ZNF559: variants seen among roughly 807,000 people sequenced by gnomAD.
ZNF559 encodes putative protein product of Nbla00121.
Under a neutral mutation model 14.2 loss-of-function variants are expected in ZNF559, and 17 were observed. That is an observed-to-expected ratio of 1.20 (90% CI 0.82 to 1.80). The LOEUF is 1.80. ZNF559 is among the 40% of genes most tolerant of loss of function. The pLI is 0.00. For synonymous variants in ZNF559, 244 were observed against 212.4 expected, an observed-to-expected ratio of 1.15 and a Z score of -1.29; for missense variants, 740 against 629.7, an observed-to-expected ratio of 1.18 and a Z score of -1.88.
In ZNF559 at chr19:9,341,968, C is replaced by G. The variant is rs531973512; in HGVS notation, c.517C>G (p.Leu173Val). The G allele has an allele frequency of 1.2e-4, 193 of 1,613,776 alleles. 3 individuals are homozygous for G. The South Asian group carries it at 1.6e-3, about 14-fold the overall frequency. The change falls in exon 7 of 7, where the codon CTT becomes GTT. Residue 173 changes from leucine to valine, a missense_variant. Transcript: ENST00000603380. ...CAAGAAAACTAGCCAAAATCTACAT[C>G]TTGTTTGCAAGAAAACTCACACTCA... is the stretch of plus-strand genomic sequence containing the variant. ...VCKKTSQNLH[L>V]VCKKTHTQEK...
chr19:9,343,615 C>T lies in ZNF559; in HGVS notation c.*547C>T. On this transcript the variant is annotated 3_prime_UTR_variant, in exon 7 of 7. Transcript: ENST00000603380. Reference sequence around the variant, plus strand: ...CTTCCACTTTGGGAACATGTCAAAGCACACATTGAGAAGTCCCATGAGTGA... The same window carrying T: ...CTTCCACTTTGGGAACATGTCAAAGTACACATTGAGAAGTCCCATGAGTGA... 2.0e-6 allele frequency: 2 copies of T among 990,684 alleles called. No individual in the cohort carries two copies. The highest frequency in any genetic ancestry group is 2.4e-6 in the Non-Finnish European group (2 of 832,768). The allele number at this position is 990,684 out of a possible 1,614,324, so 61.4% of individuals were successfully genotyped here.
chr19:9,332,291 G>T (rs1286406289), intron 2 of ZNF559, among the ~76,000 whole-genome samples: 2 of 151,540 alleles, frequency 1.3e-5, no homozygotes, highest in Admixed American at 1.3e-4. Flanking sequence ...GGCATTTCTG[G>T]GATATGTTCT....
intron 6 of ZNF559, chr19:9,341,473 C>T (rs759091053): frequency 4.6e-6 from 4 of 867,374 alleles, no homozygotes; most frequent in Admixed American, 2.0e-5. Context: ...TATTTAGAAG[C>T]CCTCTGAAAG....
intron 2 of ZNF559, among the ~76,000 whole-genome samples, chr19:9,333,365 C>T (rs1274652294): frequency 6.6e-6 from 1 of 152,164 alleles, no homozygotes; most frequent in Non-Finnish European, 1.5e-5. Flanking sequence ...TAACTATATC[C>T]TGCCAAATTC....
In ZNF559 at chr19:9,343,206, A is replaced by T. The variant is rs561371149; in HGVS notation, c.*138A>T. On this transcript the variant is annotated 3_prime_UTR_variant, in exon 7 of 7. Transcript: ENST00000603380. The stretch of plus-strand genomic sequence containing the variant: ...TTCCTTGGTGTCTCAGATCTTAACA[A>T]TTCCAATAGAAGAGAAGACATATGA... 14 of 1,475,982 alleles carry T rather than the reference A, an allele frequency of 9.5e-6. No individual in the cohort carries two copies. Among genetic ancestry groups the T allele is most frequent in the Non-Finnish European group, 1.1e-5 (12 of 1,121,812 alleles). The allele number at this position is 1,475,982 out of a possible 1,614,324, so 91.4% of individuals were successfully genotyped here. A position where few individuals can be genotyped will look rare whatever the true frequency, so the allele number is the denominator to read the frequency against.
chr19:9,330,639 TTC>T (rs1177980157), intron 2 of ZNF559, among the ~76,000 whole-genome samples: 1 of 152,230 alleles, frequency 6.6e-6, no homozygotes, highest in Non-Finnish European at 1.5e-5. Flanking sequence ...ACTCCAGTAT[TTC>T]TCTTTTGTTC....
Position 9,324,695 on chromosome 19 carries a change from GA to G in ZNF559, c.-203del. 1 of 1,531,342 alleles carries G rather than the reference GA, an allele frequency of 6.5e-7. No homozygotes were observed. The allele number at this position is 1,531,342 out of a possible 1,614,324, so 94.9% of individuals were successfully genotyped here. A position where few individuals can be genotyped will look rare whatever the true frequency, so the allele number is the denominator to read the frequency against. On this transcript the variant is annotated splice_region_variant and 5_prime_UTR_variant, in exon 2 of 7. The change creates a premature stop within an existing upstream ORF in the 5' untranslated region. Transcript: ENST00000603380. ...CAGCGTTGTGCCTTTTCTCTATAAG[GA>G]ACAGCATCTCTGCCTTCCTGTTCAC... is the stretch of plus-strand genomic sequence containing the variant.
intron 1 of ZNF559, 34 bp from the exon 2 acceptor site, chr19:9,324,661 C>G (rs1198337335): frequency 2.5e-6 from 3 of 1,190,728 alleles, no homozygotes; most frequent in African/African-American, 3.7e-5. Context: ...AAAAAAAAGT[C>G]TCCACATCCA....
rs1469681454 is a variant in ZNF559 at position 9,324,217 on chromosome 19, T to C, written c.-217T>C. 2 of 1,536,066 alleles carry C rather than the reference T, an allele frequency of 1.3e-6. No individual in the cohort carries two copies. Among genetic ancestry groups the C allele is most frequent in the South Asian group, 2.4e-5 (2 of 84,056 alleles). ...CCGCCATCTTAACAGCGCGTTCCCG[T>C]TGGCGTCTGAGGTAAGTTTTTGTTT... On this transcript the variant is annotated 5_prime_UTR_variant, in exon 1 of 7. Transcript: ENST00000603380.
chr19:9,339,459 C>T, intron 5 of ZNF559, 140 bp downstream of exon 5: 2 of 972,088 alleles, frequency 2.1e-6, no homozygotes, highest in South Asian at 1.8e-5. Flanking sequence ...GACCTTACTG[C>T]CTTGTGATTT....
rs570361973 is a variant in ZNF559 at position 9,342,961 on chromosome 19, C to G, written c.1510C>G (p.Arg504Gly). Reference sequence around the variant, plus strand: ...TCAGGAATGTGGGAAAGCCTTTACTCGGTCCACATATCTTATTCGACATCT... The same window carrying G: ...TCAGGAATGTGGGAAAGCCTTTACTGGGTCCACATATCTTATTCGACATCT... ...ECQECGKAFT[R>G]STYLIRHLRS... The change falls in exon 7 of 7, where the codon CGG becomes GGG. Residue 504 changes from arginine to glycine, a missense_variant. Arg to Gly is a moderately radical substitution (Grantham distance 125, BLOSUM62 -2). Transcript: ENST00000603380. 12 of 1,614,158 alleles carry G rather than the reference C, an allele frequency of 7.4e-6. No homozygotes were observed. The highest frequency in any genetic ancestry group is 5.0e-5 in the Admixed American group (3 of 60,020).
rs1474751632 is a variant in ZNF559 at position 9,345,204 on chromosome 19, C to T, written c.*2136C>T. ...TAGTATTCCATTGCAAGGCATACCA[C>T]AAGCTATTTATCCATGTGTTATTTC... On this transcript the variant is annotated 3_prime_UTR_variant, in exon 7 of 7. Coordinates refer to ENST00000603380, the MANE Select transcript of ZNF559 (RefSeq NM_032497.3). 6.6e-5 allele frequency: 10 copies of T among 152,224 alleles called. No individual in the cohort carries two copies. The highest frequency in any genetic ancestry group is 1.3e-4 in the Non-Finnish European group (9 of 68,036). The allele number at this position is 152,224 out of a possible 1,614,324, so 9.4% of individuals were successfully genotyped here. A position where few individuals can be genotyped will look rare whatever the true frequency, so the allele number is the denominator to read the frequency against.
At chr19:9,335,716 G>A (rs2067201072) in intron 2 of ZNF559, among the ~76,000 whole-genome samples, 1 of 152,102 alleles carries the variant, frequency 6.6e-6, no homozygotes, top group African/African-American at 2.4e-5. Flanking sequence ...TGTGGTTTTT[G>A]TAGAGACGGG....
intron 2 of ZNF559, among the ~76,000 whole-genome samples, chr19:9,326,363 C>A (rs1430075085): frequency 6.6e-6 from 1 of 152,092 alleles, no homozygotes; most frequent in East Asian, 1.9e-4. Flanking sequence ...CCTTGGCCTC[C>A]CAAAGTACTG....
Position 9,342,585 on chromosome 19 carries a change from G to A in ZNF559, c.1134G>A (p.Glu378=), listed in dbSNP as rs2067632734. Residue 378 remains glutamate (E), a synonymous_variant, in exon 7 of 7, where the codon GAG becomes GAA. Coordinates refer to ENST00000603380, the MANE Select transcript of ZNF559 (RefSeq NM_032497.3). ...LTVHMRTHTG[E]KPYQCKECGK... ...TACATATGAGAACTCACACTGGTGAGAAGCCTTATCAATGTAAGGAATGTG... is the reference window on the plus strand; with the variant it reads ...TACATATGAGAACTCACACTGGTGAAAAGCCTTATCAATGTAAGGAATGTG... The A allele has an allele frequency of 1.2e-6, 2 of 1,613,528 alleles. No individual in the cohort carries two copies. Among genetic ancestry groups the A allele is most frequent in the African/African-American group, 2.7e-5 (2 of 74,742 alleles).
At chr19:9,339,702 A>C (rs1568365847) in intron 5 of ZNF559, among the ~76,000 whole-genome samples, 1 of 151,942 alleles carries the variant, frequency 6.6e-6, no homozygotes, top group African/African-American at 2.4e-5. Context: ...AGGGTTCAGA[A>C]TGCCCAGACA....
At position 9,342,840 on chromosome 19, in the gene ZNF559, G is replaced by A; in HGVS notation, c.1389G>A (p.Arg463=). The change falls in exon 7 of 7, where the codon AGG becomes AGA. Residue 463 remains arginine, a synonymous_variant. Transcript: ENST00000603380. ...ATAAAAGAATACATACAGGGGAGAG[G>A]CCATATAAATGTCAAAAGTGTGGGC... ...SQHKRIHTGE[R]PYKCQKCGQA... 6.2e-7 allele frequency: 1 copy of A among 1,613,644 alleles called. No homozygotes were observed. The highest frequency in any genetic ancestry group is 8.5e-7 in the Non-Finnish European group (1 of 1,179,924).
chr19:9,336,604 A>G (rs999453823), intron 2 of ZNF559, among the ~76,000 whole-genome samples: 9 of 151,538 alleles, frequency 5.9e-5, no homozygotes, highest in South Asian at 2.1e-4. Flanking sequence ...CAAAAAAAAA[A>G]CAAAAAAAAA....
intron 2 of ZNF559, chr19:9,329,995 C>T (rs182830089): frequency 2.0e-5 from 3 of 152,280 alleles, no homozygotes; most frequent in African/African-American, 7.2e-5. Context: ...CATTCTGTGT[C>T]TTTTCATTGG....
Sources: allele counts gnomAD v4.1 joint callset (sites outside exome capture counted in the v4.1 genomes callset), GRCh38; gene constraint gnomAD v4.1.1; transcripts MANE v1.5; gene names NCBI Gene and HGNC (gene_info 2026-07-23, HGNC 2026-07-21).